Variants in CACNA2D1 observed in about 807,000 individuals in gnomAD.
CACNA2D1 encodes the protein calcium voltage-gated channel auxiliary subunit alpha2delta 1.
Under a neutral mutation model 171.5 loss-of-function variants are expected in CACNA2D1, and 53 were observed. The ratio of observed to expected loss-of-function variants is 0.31; its 90% confidence interval spans 0.25 to 0.39. The LOEUF is 0.39. Among genes scored for constraint, CACNA2D1 ranks in the 10% least tolerant of loss-of-function variants. CACNA2D1 has a pLI of 1.00. For missense variants in CACNA2D1, 903 were observed against 1,299.8 expected (o/e 0.69, Z 4.69); for synonymous variants, 442 against 443.1 (o/e 1.00, Z 0.03).
chr7:82,131,093 C>G (rs569001247), intron 5 of CACNA2D1, among the ~76,000 whole-genome samples: 1 of 152,126 alleles, frequency 6.6e-6, no homozygotes, highest in Non-Finnish European at 1.5e-5. Context: ...TGAGCCACCG[C>G]GCCGGCCAGC....
chr7:82,098,770 T>C (rs779600072), intron 6 of CACNA2D1, among the ~76,000 whole-genome samples: 3 of 152,176 alleles, frequency 2.0e-5, no homozygotes, highest in Non-Finnish European at 4.4e-5. Context: ...ACCTCTGGCT[T>C]TCTGAAATGA....
At chr7:82,049,234 T>C (rs1346393431) in intron 10 of CACNA2D1, among the ~76,000 whole-genome samples, 1 of 151,222 alleles carries the variant, frequency 6.6e-6, no homozygotes, top group East Asian at 1.9e-4. Flanking sequence ...GTCCATAATT[T>C]CTTTATGTCT....
At chr7:82,380,239 T>C (rs1585728159) in intron 1 of CACNA2D1, among the ~76,000 whole-genome samples, 2 of 152,206 alleles carry the variant, frequency 1.3e-5, no homozygotes, top group Non-Finnish European at 2.9e-5. Flanking sequence ...ATTAGTTTTG[T>C]GATCAACTGG....
Position 82,060,471 on chromosome 7 carries a change from A to G in CACNA2D1, c.836T>C (p.Met279Thr). Reference sequence around the variant, plus strand: ...ATCATCATCTGAGAGGGTTTCTAACATTTCGGAGACAGATGTTCGGATCAG... The same window carrying G: ...ATCATCATCTGAGAGGGTTTCTAACGTTTCGGAGACAGATGTTCGGATCAG... ...LKLIRTSVSE[M>T]LETLSDDDFV... Residue 279 changes from methionine to threonine, a missense_variant, in exon 10 of 39, where the codon ATG (methionine) becomes ACG (threonine). Met to Thr is a moderately conservative substitution (Grantham distance 81). Around this residue, in one of 5 missense-constraint regions of CACNA2D1, gnomAD observed 12 missense variants for 50.7 expected, o/e 0.24. Transcript: ENST00000356860. 1.9e-6 allele frequency: 3 copies of G among 1,610,418 alleles called. No homozygotes were observed. Among genetic ancestry groups the G allele is most frequent in the Non-Finnish European group, 1.7e-6 (2 of 1,178,438 alleles).
chr7:82,312,977 G>T (rs1037399962), intron 3 of CACNA2D1, among the ~76,000 whole-genome samples: 1 of 152,080 alleles, frequency 6.6e-6, no homozygotes, highest in Non-Finnish European at 1.5e-5. Context: ...CCATAGAAAT[G>T]CCTGTTATTA....
chr7:82,077,310 A>T (rs565616440), intron 7 of CACNA2D1, among the ~76,000 whole-genome samples: 1 of 152,320 alleles, frequency 6.6e-6, no homozygotes, highest in South Asian at 2.1e-4. Context: ...CCAAGAGACC[A>T]CTAAATTCTG....
chr7:82,081,830 A>G (rs1052378601), intron 7 of CACNA2D1, among the ~76,000 whole-genome samples: 13 of 149,586 alleles, frequency 8.7e-5, no homozygotes, highest in African/African-American at 3.3e-4. Flanking sequence ...AGCCACTGTG[A>G]CTGTGCACCC....
Position 81,948,170 on chromosome 7 carries a change from C to A in CACNA2D1, c.*2222G>T, listed in dbSNP as rs1792188655. The A allele has an allele frequency of 1.3e-5, 2 of 151,720 alleles. No homozygotes were observed. Among genetic ancestry groups the A allele is most frequent in the African/African-American group, 4.8e-5 (2 of 41,364 alleles). 9.4% of individuals were successfully genotyped at this position (151,720 alleles called of 1,614,324 possible). A position where few individuals can be genotyped will look rare whatever the true frequency, so the allele number is the denominator to read the frequency against. On this transcript the variant is annotated 3_prime_UTR_variant, in exon 39 of 39. Coordinates refer to ENST00000356860, the MANE Select transcript of CACNA2D1 (RefSeq NM_000722.4). Reference sequence around the variant, plus strand: ...TGCATTGTTTATATACACAAACTAACAATTTTATATTTTGATACCCCCTTC... The same window carrying A: ...TGCATTGTTTATATACACAAACTAAAAATTTTATATTTTGATACCCCCTTC...
intron 19 of CACNA2D1, among the ~76,000 whole-genome samples, chr7:81,995,264 A>G (rs1797926259): frequency 6.6e-6 from 1 of 152,224 alleles, no homozygotes. Context: ...TCATTGAGAC[A>G]TAGAAATGTA....
At chr7:82,348,331 G>T (rs908583774) in intron 2 of CACNA2D1, among the ~76,000 whole-genome samples, 1 of 151,914 alleles carries the variant, frequency 6.6e-6, no homozygotes, top group Non-Finnish European at 1.5e-5. Flanking sequence ...CCCAAGCATC[G>T]GCACACAATA....
chr7:81,961,133 T>C (rs543243923), intron 36 of CACNA2D1, among the ~76,000 whole-genome samples: 2 of 151,992 alleles, frequency 1.3e-5, no homozygotes, highest in African/African-American at 4.8e-5. Flanking sequence ...TAGAATAATC[T>C]TCCCTCCACC....
At chr7:82,413,576 C>G (rs1439998327) in intron 1 of CACNA2D1, among the ~76,000 whole-genome samples, 1 of 152,194 alleles carries the variant, frequency 6.6e-6, no homozygotes, top group Admixed American at 6.5e-5. Flanking sequence ...GAGATATTAC[C>G]ATTCTTTCCC....
intron 3 of CACNA2D1, among the ~76,000 whole-genome samples, chr7:82,245,676 A>ACACACACACACACACACACACT (rs3086957): frequency 2.1e-4 from 31 of 145,894 alleles, no homozygotes; most frequent in African/African-American, 7.8e-4. Context: ...ACACACACAC[A>ACACACACACACACACACACACT]CACACACACA....
intron 36 of CACNA2D1, 135 bp from the exon 37 acceptor site, chr7:81,959,964 GAGTATGATTTT>G: frequency 7.4e-7 from 1 of 1,352,668 alleles, no homozygotes. Context: ...AGCACAATAG[GAGTATGATTTT>G]AGAAGAAAAA....
chr7:82,392,603 C>T (rs1825254490), intron 1 of CACNA2D1, among the ~76,000 whole-genome samples: 2 of 152,182 alleles, frequency 1.3e-5, no homozygotes, highest in South Asian at 4.1e-4. Flanking sequence ...TGGGGCCAAG[C>T]AAGGCCTAGG....
intron 4 of CACNA2D1, among the ~76,000 whole-genome samples, chr7:82,150,315 A>AC (rs1491233098): frequency 7.5e-6 from 1 of 133,854 alleles, no homozygotes; most frequent in Non-Finnish European, 1.6e-5. Context: ...GGGTTCATCT[A>AC]CTTTTTTTTT....
At position 81,954,402 on chromosome 7, in the gene CACNA2D1, C is replaced by T. The variant is rs116221108; in HGVS notation, c.3160-3894G>A. Reference sequence around the variant, plus strand: ...AAGACTGTGTTATTAAAGATATCAACTAAGAATTCTTTATTCCTTTCTCAT... The same window carrying T: ...AAGACTGTGTTATTAAAGATATCAATTAAGAATTCTTTATTCCTTTCTCAT... On this transcript the variant is annotated intron_variant, in intron 38 of 38. Transcript: ENST00000356860. Among the ~76,000 whole-genome samples the T allele has an allele frequency of 3.1e-3, 473 of 152,044 alleles. 3 individuals are homozygous for T. The highest frequency in any genetic ancestry group is 0.011 in the African/African-American group (442 of 41,538).
At chr7:82,327,987 C>T (rs1041056209) in intron 3 of CACNA2D1, among the ~76,000 whole-genome samples, 2 of 152,096 alleles carry the variant, frequency 1.3e-5, no homozygotes, top group African/African-American at 4.8e-5. Context: ...CGGAGGGAAG[C>T]CCTGTTGGGT....
intron 38 of CACNA2D1, among the ~76,000 whole-genome samples, chr7:81,957,636 C>CAGTTAACGTGAGTCTCCA (rs1300051298): frequency 1.3e-5 from 2 of 152,112 alleles, no homozygotes; most frequent in East Asian, 3.9e-4. Context: ...AATTTGCTGG[C>CAGTTAACGTGAGTCTCCA]AGTTAACGTG....
Sources: allele counts gnomAD v4.1 joint callset (sites outside exome capture counted in the v4.1 genomes callset), GRCh38; gene constraint gnomAD v4.1.1; regional missense constraint gnomAD v4.1.1; transcripts MANE v1.5; gene names NCBI Gene and HGNC (gene_info 2026-07-23, HGNC 2026-07-21).